SCHIP1: variants seen among roughly 807,000 people sequenced by gnomAD.
The protein encoded by SCHIP1 is schwannomin-interacting protein 1.
SCHIP1 carries 8 observed loss-of-function variants against 29.7 expected under a neutral mutation model. That is an observed-to-expected ratio of 0.27 (90% CI 0.16 to 0.49). The LOEUF is 0.49. SCHIP1 is among the 20% of genes least tolerant of loss of function. The pLI is 0.99. For synonymous variants in SCHIP1, 76 were observed against 94.9 expected (o/e 0.80, Z 1.16); for missense variants, 193 against 294.6 (o/e 0.66, Z 2.52).
At chr3:159,397,394 G>A in the SCHIP1 span, among the ~76,000 whole-genome samples, 55 of 151,994 alleles carry the variant, frequency 3.6e-4, 1 homozygote, top group East Asian at 8.7e-3. Flanking sequence ...GAGGAGAGGC[G>A]CTCTGCTTTT....
At chr3:159,711,743 T>C in the SCHIP1 span, among the ~76,000 whole-genome samples, 4 of 152,184 alleles carry the variant, frequency 2.6e-5, no homozygotes, top group Admixed American at 6.5e-5. Flanking sequence ...ATTTTAAGCA[T>C]AAAGGGCAAA....
the SCHIP1 span, among the ~76,000 whole-genome samples, chr3:159,433,831 A>G: frequency 1.3e-5 from 2 of 152,188 alleles, no homozygotes; most frequent in Non-Finnish European, 2.9e-5. Flanking sequence ...TACTAAGAAT[A>G]GTTGTGCAAC....
the SCHIP1 span, among the ~76,000 whole-genome samples, chr3:159,652,445 A>G: frequency 1.3e-5 from 2 of 152,166 alleles, no homozygotes; most frequent in Non-Finnish European, 2.9e-5. Flanking sequence ...ACCTAAGCCA[A>G]TAGGGGACCC....
the SCHIP1 span, among the ~76,000 whole-genome samples, chr3:159,592,364 T>C: frequency 6.6e-6 from 1 of 152,096 alleles, no homozygotes; most frequent in South Asian, 2.1e-4. Context: ...AAATAATAAT[T>C]CTATCCTGCA....
the SCHIP1 span, among the ~76,000 whole-genome samples, chr3:159,666,706 G>A: frequency 7.4e-3 from 1,132 of 152,272 alleles, 10 homozygotes; most frequent in African/African-American, 0.026. Flanking sequence ...ATAGGTAATA[G>A]ATAAAAACAT....
At chr3:159,516,141 G>T in the SCHIP1 span, among the ~76,000 whole-genome samples, 2 of 151,946 alleles carry the variant, frequency 1.3e-5, no homozygotes, top group Admixed American at 1.3e-4. Flanking sequence ...ACTCTCAGTG[G>T]GTGATTTCAG....
the SCHIP1 span, among the ~76,000 whole-genome samples, chr3:159,658,399 T>C: frequency 1.3e-5 from 2 of 152,318 alleles, no homozygotes; most frequent in Admixed American, 1.3e-4. Context: ...GCAAGTCAGA[T>C]ACAATACACC....
At chr3:159,566,629 G>A in the SCHIP1 span, among the ~76,000 whole-genome samples, 5 of 152,162 alleles carry the variant, frequency 3.3e-5, no homozygotes, top group East Asian at 1.9e-4. Context: ...GATGTCTAGG[G>A]TGCACCTTAA....
chr3:159,461,539 C>T, the SCHIP1 span, among the ~76,000 whole-genome samples: 1 of 151,672 alleles, frequency 6.6e-6, no homozygotes, highest in African/African-American at 2.4e-5. Context: ...CACAAATATA[C>T]AGGAAAAATT....
At chr3:159,484,689 A>AT in the SCHIP1 span, among the ~76,000 whole-genome samples, 9 of 152,164 alleles carry the variant, frequency 5.9e-5, no homozygotes, top group Non-Finnish European at 1.0e-4. Context: ...GGAAAAAAAA[A>AT]CCTGCATAAA....
the SCHIP1 span, among the ~76,000 whole-genome samples, chr3:159,775,591 G>A: frequency 2.0e-5 from 3 of 152,276 alleles, no homozygotes; most frequent in Non-Finnish European, 4.4e-5. Flanking sequence ...GGCTCATCTA[G>A]CACAGGGTGC....
chr3:159,635,536 G>T, the SCHIP1 span, among the ~76,000 whole-genome samples: 1 of 152,138 alleles, frequency 6.6e-6, no homozygotes, highest in African/African-American at 2.4e-5. Flanking sequence ...CTTCTGGTTT[G>T]TAAGTTTCTT....
At chr3:159,475,649 T>C in the SCHIP1 span, among the ~76,000 whole-genome samples, 3 of 152,188 alleles carry the variant, frequency 2.0e-5, no homozygotes, top group Admixed American at 2.0e-4. Context: ...AGCTTCATGC[T>C]GAAAACATAG....
chr3:159,369,370 A>ATACTTCATTGTATTAGTAG, the SCHIP1 span, among the ~76,000 whole-genome samples: 1 of 152,110 alleles, frequency 6.6e-6, no homozygotes, highest in Non-Finnish European at 1.5e-5. Context: ...CAATATTGTT[A>ATACTTCATTGTATTAGTAG]TATTGGTACT....
chr3:159,845,804 G>A (rs1478219531), intron 1 of SCHIP1: 2 of 152,176 alleles, frequency 1.3e-5, no homozygotes, highest in Non-Finnish European at 2.9e-5. Context: ...AATTGTTGAT[G>A]TTCTGAGTCC....
chr3:159,595,097 G>C, the SCHIP1 span, among the ~76,000 whole-genome samples: 1 of 152,138 alleles, frequency 6.6e-6, no homozygotes, highest in Non-Finnish European at 1.5e-5. Flanking sequence ...CTAGTGGTGA[G>C]AATTGCATGC....
At chr3:159,575,514 C>T in the SCHIP1 span, among the ~76,000 whole-genome samples, 2 of 152,166 alleles carry the variant, frequency 1.3e-5, no homozygotes, top group Non-Finnish European at 2.9e-5. Context: ...TGGCTCACTG[C>T]AGCCTCAATT....
chr3:159,481,983 T>C, the SCHIP1 span, among the ~76,000 whole-genome samples: 7 of 152,096 alleles, frequency 4.6e-5, no homozygotes, highest in African/African-American at 1.4e-4. Flanking sequence ...AATTTTTTGG[T>C]CAATTTGTGT....
At chr3:159,797,450 GTTA>G in the SCHIP1 span, among the ~76,000 whole-genome samples, 1 of 152,124 alleles carries the variant, frequency 6.6e-6, no homozygotes, top group African/African-American at 2.4e-5. Context: ...AGATTGAAAT[GTTA>G]TTAGTCTAAT....
Sources: allele counts gnomAD v4.1 joint callset (sites outside exome capture counted in the v4.1 genomes callset), GRCh38; gene constraint gnomAD v4.1.1; transcripts MANE v1.5; gene names NCBI Gene and HGNC (gene_info 2026-07-23, HGNC 2026-07-21).